The following DAB1 variants were observed in gnomAD, a reference collection of about 807,000 sequenced individuals.
The protein encoded by DAB1 is disabled homolog 1.
In DAB1, 15 loss-of-function variants were observed where a neutral mutation model predicts 64.6. The ratio of observed to expected loss-of-function variants is 0.23; its 90% CI spans 0.16 to 0.36. DAB1 has a LOEUF of 0.36. Among genes scored for constraint, DAB1 ranks in the 10% least tolerant of loss-of-function variants. The pLI, the probability that DAB1 is intolerant of heterozygous loss-of-function variation, is 1.00. For missense variants in DAB1, 596 were observed against 706.7 expected (o/e 0.84, Z 1.78); for synonymous variants, 235 against 251.9 (o/e 0.93, Z 0.64).
At chr1:58,112,442 G>A (rs991806853) in intron 5 of DAB1, among the ~76,000 whole-genome samples, 9 of 152,138 alleles carry the variant, frequency 5.9e-5, no homozygotes, top group African/African-American at 2.2e-4. Context: ...TTAGTTCTTT[G>A]AAAGCAGAGA....
At chr1:58,216,889 T>C (rs532601792) in intron 4 of DAB1, among the ~76,000 whole-genome samples, 43 of 152,326 alleles carry the variant, frequency 2.8e-4, no homozygotes, top group Non-Finnish European at 3.2e-4. Flanking sequence ...ATTTTGAATG[T>C]CTGATTCAGG....
Position 57,403,017 on chromosome 1 carries a change from C to T in DAB1, c.-137+20913G>A, listed in dbSNP as rs572022545. Among the ~76,000 whole-genome samples the T allele has an allele frequency of 1.4e-4, 22 of 152,298 alleles. No individual in the cohort carries two copies. In the East Asian group the frequency reaches 3.7e-3, roughly 25 times the overall value. ...CTTCAAAGATACAGGTCAGATTATT[C>T]AACTGTTATAAACCTGCATTTCCCA... On this transcript the variant is annotated intron_variant, in intron 1 of 14. Coordinates refer to ENST00000371236, the MANE Select transcript of DAB1 (RefSeq NM_001365792.1).
chr1:57,267,307 C>T (rs538893424), intron 2 of DAB1, among the ~76,000 whole-genome samples: 1 of 151,802 alleles, frequency 6.6e-6, no homozygotes, highest in Non-Finnish European at 1.5e-5. Flanking sequence ...ATGTGGACTT[C>T]TGGCCTCCAG....
At chr1:57,436,767 G>A (rs922181678) in intron 7 of DAB1, among the ~76,000 whole-genome samples, 4 of 152,162 alleles carry the variant, frequency 2.6e-5, no homozygotes, top group East Asian at 1.9e-4. Context: ...GGTGGCTCAC[G>A]CCTGTAATCC....
intron 5 of DAB1, among the ~76,000 whole-genome samples, chr1:58,107,556 C>T (rs1011992457): frequency 1.3e-5 from 2 of 151,694 alleles, no homozygotes; most frequent in African/African-American, 4.8e-5. Context: ...AGAAAGAAAC[C>T]TGAAGAGCCT....
chr1:57,995,726 G>A (rs1038642814), intron 5 of DAB1, among the ~76,000 whole-genome samples: 22 of 151,928 alleles, frequency 1.4e-4, no homozygotes, highest in Non-Finnish European at 3.2e-4. Flanking sequence ...AAGGACTAGC[G>A]AGTTACAGGG....
chr1:58,181,131 G>A (rs1656767296), intron 4 of DAB1, among the ~76,000 whole-genome samples: 1 of 151,778 alleles, frequency 6.6e-6, no homozygotes, highest in South Asian at 2.1e-4. Flanking sequence ...TCTGTTTTTA[G>A]TTCACTTGTT....
intron 2 of DAB1, among the ~76,000 whole-genome samples, chr1:57,242,234 G>A (rs1347949120): frequency 6.6e-6 from 1 of 152,168 alleles, no homozygotes; most frequent in Non-Finnish European, 1.5e-5. Context: ...TTTTCTAAGA[G>A]TTGAAAACAT....
chr1:57,546,161 A>AT (rs1644855003), intron 7 of DAB1, among the ~76,000 whole-genome samples: 1 of 151,852 alleles, frequency 6.6e-6, no homozygotes, highest in South Asian at 2.1e-4. Context: ...AGAGAAGGTA[A>AT]TCAGCCCAAG....
intron 3 of DAB1, among the ~76,000 whole-genome samples, chr1:58,389,432 T>G (rs143077008): frequency 1.3e-5 from 2 of 152,146 alleles, no homozygotes; most frequent in African/African-American, 4.8e-5. Context: ...AGTGACAACA[T>G]ATCTCAAAAA....
chr1:57,198,550 T>C (rs72672688), intron 2 of DAB1, among the ~76,000 whole-genome samples: 4,812 of 151,844 alleles, frequency 0.032, 114 homozygotes, highest in Non-Finnish European at 0.05. Context: ...CTTTTCCCTT[T>C]GCATTTGCTG....
intron 7 of DAB1, among the ~76,000 whole-genome samples, chr1:57,583,322 T>C (rs1645337249): frequency 6.0e-5 from 9 of 149,958 alleles, no homozygotes; most frequent in Admixed American, 5.3e-4. Flanking sequence ...AATCTCGCCC[T>C]GTAGCCCAGG....
chr1:57,681,095 T>G (rs1375961573), intron 6 of DAB1, among the ~76,000 whole-genome samples: 2 of 152,228 alleles, frequency 1.3e-5, no homozygotes, highest in East Asian at 3.9e-4. Flanking sequence ...GACCAAGATG[T>G]CAGCAGTATC....
intron 5 of DAB1, among the ~76,000 whole-genome samples, chr1:57,970,699 G>T (rs904548642): frequency 6.6e-6 from 1 of 152,078 alleles, no homozygotes; most frequent in African/African-American, 2.4e-5. Context: ...CAACCTCTAA[G>T]ATCTAAACTG....
At chr1:58,281,829 GA>G (rs1449454715) in intron 4 of DAB1, among the ~76,000 whole-genome samples, 3 of 152,138 alleles carry the variant, frequency 2.0e-5, no homozygotes, top group Admixed American at 6.5e-5. Flanking sequence ...AGGAATAAAT[GA>G]ATGCATGTAT....
At chr1:57,590,118 T>C (rs1645426254) in intron 7 of DAB1, among the ~76,000 whole-genome samples, 1 of 152,082 alleles carries the variant, frequency 6.6e-6, no homozygotes, top group Non-Finnish European at 1.5e-5. Flanking sequence ...GATCAAGCTG[T>C]CTGCAAGTCT....
chr1:57,433,402 AT>A (rs1243823537), intron 7 of DAB1, among the ~76,000 whole-genome samples: 3 of 151,626 alleles, frequency 2.0e-5, no homozygotes, highest in African/African-American at 7.2e-5. Flanking sequence ...CAGTCACTTG[AT>A]TTTTTTTTGA....
rs189210411 is a variant in DAB1 at position 58,097,921 on chromosome 1, G to A, written n.387+52590C>T. ...AGGTCCCTGGCACAAGACCCTAGCT[G>A]TCTTTCCTTGCTGCTTCCTCTCAGG... On this transcript the variant is annotated intron_variant and non_coding_transcript_variant, in intron 5 of 20. Coordinates refer to the DAB1 transcript ENST00000485760. Among the ~76,000 whole-genome samples the A allele has an allele frequency of 2.6e-5, 4 of 152,294 alleles. No individual in the cohort carries two copies. In the East Asian group the frequency reaches 7.7e-4, roughly 29 times the overall value.
In DAB1 at chr1:58,043,344, A is replaced by G. The variant is rs529978821; in HGVS notation, n.387+107167T>C. Among the ~76,000 whole-genome samples the G allele has an allele frequency of 2.0e-5, 3 of 152,348 alleles. No homozygotes were observed. The South Asian group carries it at 6.2e-4, about 32-fold the overall frequency. On this transcript the variant is annotated intron_variant and non_coding_transcript_variant, in intron 5 of 20. Coordinates refer to the DAB1 transcript ENST00000485760. ...AATGAATGCCTTTAGGTACTATAAA[A>G]AACAATTTGGATAATATATTTCTTT... is the stretch of plus-strand genomic sequence containing the variant.
Sources: gnomAD v4.1 joint callset for allele counts (sites outside exome capture counted in the v4.1 genomes callset) on GRCh38, gnomAD v4.1.1 for gene constraint, MANE v1.5 for transcripts, NCBI Gene and HGNC (gene_info 2026-07-23, HGNC 2026-07-21) for gene names.